Variants in MAK16 observed in about 807,000 individuals in gnomAD.
MAK16 encodes protein MAK16 homolog.
A neutral mutation model predicts 49.9 loss-of-function variants in MAK16; 12 were observed. The ratio of observed to expected loss-of-function variants is 0.24; its 90% confidence interval spans 0.15 to 0.39. MAK16 has a LOEUF of 0.39. Among genes scored for constraint, MAK16 ranks in the 10% least tolerant of loss-of-function variants. The pLI is 1.00. For missense variants in MAK16, 292 were observed against 363.7 expected (o/e 0.80, Z 1.60); for synonymous variants, 115 against 126.4 (o/e 0.91, Z 0.60).
intron 8 of MAK16, among the ~76,000 whole-genome samples, chr8:33,496,972 A>C (rs1265340293): frequency 6.6e-6 from 1 of 152,192 alleles, no homozygotes; most frequent in Non-Finnish European, 1.5e-5. Flanking sequence ...AAGGTGACAA[A>C]TTATAAAGCC....
intron 1 of MAK16, among the ~76,000 whole-genome samples, chr8:33,486,114 T>C (rs1425202853): frequency 1.3e-5 from 2 of 152,208 alleles, no homozygotes; most frequent in African/African-American, 4.8e-5. Flanking sequence ...AAATTAGATA[T>C]GCTTGCCAGG....
chr8:33,500,137 G>A lies in MAK16; in HGVS notation c.*1508G>A, dbSNP rs1359221714. 1 of 615,076 alleles carries A rather than the reference G, an allele frequency of 1.6e-6. No individual in the cohort carries two copies. The highest frequency in any genetic ancestry group is 2.8e-6 in the Non-Finnish European group (1 of 359,726). 38.1% of individuals were successfully genotyped at this position (615,076 alleles called of 1,614,324 possible). A position where few individuals can be genotyped will look rare whatever the true frequency, so the allele number is the denominator to read the frequency against. ...CCTGCCTTTAGTTCTAAATGGTTCTGAATAGCTTTAAAAGATGAATAAGAA... is the reference window on the plus strand; with the variant it reads ...CCTGCCTTTAGTTCTAAATGGTTCTAAATAGCTTTAAAAGATGAATAAGAA... On this transcript the variant is annotated 3_prime_UTR_variant, in exon 10 of 10. Transcript: ENST00000360128.
chr8:33,488,766 C>T lies in MAK16; in HGVS notation c.208C>T (p.Arg70Ter), dbSNP rs1235156510. 6 of 1,614,162 alleles carry T rather than the reference C, an allele frequency of 3.7e-6. No homozygotes were observed. Among genetic ancestry groups the T allele is most frequent in the African/African-American group, 1.3e-5 (1 of 75,032 alleles). ...QCYLYMKVIERAAFPRRLWER... is the reference protein window; with the variant it reads ...QCYLYMKVIE ...CTACTTGTATATGAAGGTTATAGAA[C>T]GAGCGGCTTTTCCTCGGCGTCTCTG... The change falls in exon 4 of 10, where the codon CGA becomes TGA. Residue 70 changes from arginine to a stop codon, truncating the protein, a stop_gained. Transcript: ENST00000360128. LOFTEE classifies it high-confidence loss of function.
chr8:33,499,273 AGACCCT>A lies in MAK16; in HGVS notation c.*647_*652del. The A allele has an allele frequency of 6.2e-7, 1 of 1,612,316 alleles. No individual in the cohort carries two copies. Among genetic ancestry groups the A allele is most frequent in the Non-Finnish European group, 8.5e-7 (1 of 1,178,756 alleles). On this transcript the variant is annotated 3_prime_UTR_variant, in exon 10 of 10. Transcript: ENST00000360128. ...ACAGCTTTGGGGAATTTTGGCCAGG[AGACCCT>A]GAAACATGAAACCAAACAGGCTTTG...
In MAK16 at chr8:33,500,372, CTG is replaced by C; in HGVS notation, c.*1746_*1747del. The C allele has an allele frequency of 5.6e-6, 9 of 1,614,202 alleles. No homozygotes were observed. The highest frequency in any genetic ancestry group is 7.6e-6 in the Non-Finnish European group (9 of 1,180,034). On this transcript the variant is annotated 3_prime_UTR_variant, in exon 10 of 10. Transcript: ENST00000360128. ...CAGCGGTCCAGGAGAATCAGGCAGTCTGTGGCCTCCTGTAGCAGGGCGCTCTT... is the reference window on the plus strand; with the variant it reads ...CAGCGGTCCAGGAGAATCAGGCAGTCTGGCCTCCTGTAGCAGGGCGCTCTT...
chr8:33,485,312 C>A lies in MAK16; in HGVS notation c.15+91C>A, dbSNP rs367903961. The A allele has an allele frequency of 2.6e-6, 4 of 1,543,210 alleles. No homozygotes were observed. The African/African-American group carries it at 4.1e-5, about 16-fold the overall frequency. The stretch of plus-strand genomic sequence containing the variant: ...CTTAGAAAACGCGTACGCAGCGGGT[C>A]TGTTGCCTCGTGCCGCTCTGGATGT... On this transcript the variant is annotated intron_variant, in intron 1 of 9. Coordinates refer to ENST00000360128, the MANE Select transcript of MAK16 (RefSeq NM_032509.4).
chr8:33,490,820 G>A (rs1407285827), intron 6 of MAK16, among the ~76,000 whole-genome samples: 1 of 152,132 alleles, frequency 6.6e-6, no homozygotes, highest in Non-Finnish European at 1.5e-5. Flanking sequence ...ATTTTAAAAT[G>A]TACAATTAAA....
At chr8:33,490,851 G>A (rs1162479435) in intron 6 of MAK16, among the ~76,000 whole-genome samples, 1 of 152,306 alleles carries the variant, frequency 6.6e-6, no homozygotes, top group East Asian at 1.9e-4. Context: ...TAGTCACGCT[G>A]TTGTGCTGCT....
At chr8:33,491,480 T>C (rs762679816) in intron 6 of MAK16, among the ~76,000 whole-genome samples, 5 of 152,238 alleles carry the variant, frequency 3.3e-5, no homozygotes, top group Non-Finnish European at 7.3e-5. Flanking sequence ...CCATTTTAAC[T>C]GGGGTGAGAT....
At position 33,492,374 on chromosome 8, in the gene MAK16, A is replaced by G. The variant is rs961890653; in HGVS notation, c.447+2035A>G. Reference sequence around the variant, plus strand: ...TGCCCAGTCAGTGGATTGTCTCTTCACTTTGTTGTTTCCTTTGCTGTGCAG... The same window carrying G: ...TGCCCAGTCAGTGGATTGTCTCTTCGCTTTGTTGTTTCCTTTGCTGTGCAG... On this transcript the variant is annotated intron_variant, in intron 6 of 9. Transcript: ENST00000360128. Among the ~76,000 whole-genome samples the G allele has an allele frequency of 2.0e-5, 3 of 152,030 alleles. No homozygotes were observed. In the East Asian group the frequency reaches 5.8e-4, roughly 29 times the overall value.
rs1033680467 is a variant in MAK16, at chr8:33,499,429, G to GT, written c.*806dup. 20 of 623,020 alleles carry GT rather than the reference G, an allele frequency of 3.2e-5. No individual in the cohort carries two copies. Among genetic ancestry groups the GT allele is most frequent in the African/African-American group, 5.6e-5 (3 of 53,558 alleles). The allele number at this position is 623,020 out of a possible 1,614,324, so 38.6% of individuals were successfully genotyped here. A position where few individuals can be genotyped will look rare whatever the true frequency, so the allele number is the denominator to read the frequency against. On this transcript the variant is annotated 3_prime_UTR_variant, in exon 10 of 10. Coordinates refer to ENST00000360128, the MANE Select transcript of MAK16 (RefSeq NM_032509.4). ...CACTAAGCAGAATAGGTATTAGTTG[G>GT]TTTTTTATTATTTTTAAATTTATAT...
At position 33,499,136 on chromosome 8, in the gene MAK16, A is replaced by G. The variant is rs1355252685; in HGVS notation, c.*507A>G. 1 of 1,523,086 alleles carries G rather than the reference A, an allele frequency of 6.6e-7. No homozygotes were observed. Among genetic ancestry groups the G allele is most frequent in the Admixed American group, 1.7e-5 (1 of 59,786 alleles). The allele number at this position is 1,523,086 out of a possible 1,614,324, so 94.3% of individuals were successfully genotyped here. ...CTCCATTCATACAAATTGGGATGGGAAGAAAATCCTTTCCTCTTGGGAAAG... is the reference window on the plus strand; with the variant it reads ...CTCCATTCATACAAATTGGGATGGGGAGAAAATCCTTTCCTCTTGGGAAAG... On this transcript the variant is annotated 3_prime_UTR_variant, in exon 10 of 10. Transcript: ENST00000360128.
Position 33,490,969 on chromosome 8 carries a change from C to T in MAK16, c.447+630C>T, listed in dbSNP as rs182846878. On this transcript the variant is annotated intron_variant, in intron 6 of 9. Transcript: ENST00000360128. ...CCAGCCTCTGGTAACCATCCTTCTA[C>T]TCTGTATATCCATGAGTTCAATTGT... Among the ~76,000 whole-genome samples, 253 of 152,258 alleles carry T rather than the reference C, an allele frequency of 1.7e-3. 2 individuals are homozygous for T. Among genetic ancestry groups the T allele is most frequent in the African/African-American group, 5.6e-3 (233 of 41,560 alleles).
chr8:33,495,284 A>G (rs1808839704), intron 6 of MAK16, among the ~76,000 whole-genome samples: 1 of 152,230 alleles, frequency 6.6e-6, no homozygotes, highest in Non-Finnish European at 1.5e-5. Flanking sequence ...CTTTGTATCT[A>G]TCAAAGCCTG....
At chr8:33,498,201 G>A (rs957859621) in intron 9 of MAK16, among the ~76,000 whole-genome samples, 10 of 143,234 alleles carry the variant, frequency 7.0e-5, no homozygotes, top group African/African-American at 2.3e-4. Flanking sequence ...GACTACAGCA[G>A]TTTGAGGCTG....
intron 6 of MAK16, among the ~76,000 whole-genome samples, chr8:33,493,717 G>A (rs1356346583): frequency 1.3e-5 from 2 of 152,118 alleles, no homozygotes; most frequent in Non-Finnish European, 2.9e-5. Flanking sequence ...AAACCTTTCA[G>A]AAGAAATTAA....
In MAK16 at chr8:33,499,308, T is replaced by A. The variant is rs1183929289; in HGVS notation, c.*679T>A. 3 of 432,740 alleles carry A rather than the reference T, an allele frequency of 6.9e-6. No homozygotes were observed. Among genetic ancestry groups the A allele is most frequent in the African/African-American group, 2.1e-5 (1 of 48,444 alleles). The allele number at this position is 432,740 out of a possible 1,614,324, so 26.8% of individuals were successfully genotyped here. A position where few individuals can be genotyped will look rare whatever the true frequency, so the allele number is the denominator to read the frequency against. On this transcript the variant is annotated 3_prime_UTR_variant, in exon 10 of 10. Coordinates refer to ENST00000360128, the MANE Select transcript of MAK16 (RefSeq NM_032509.4). ...ACATGAAACCAAACAGGCTTTGATA[T>A]TTTTTTTTTTTTAATTACTTTCCCC...
intron 1 of MAK16, 139 bp downstream of exon 1, chr8:33,485,360 TC>T: frequency 3.5e-6 from 4 of 1,158,306 alleles, no homozygotes; most frequent in Non-Finnish European, 5.1e-6. Flanking sequence ...ACCCCGATTT[TC>T]CAACATAGGT....
chr8:33,486,723 T>C (rs1294960189), intron 1 of MAK16, among the ~76,000 whole-genome samples: 1 of 152,244 alleles, frequency 6.6e-6, no homozygotes, highest in Non-Finnish European at 1.5e-5. Flanking sequence ...ATTTGGGATA[T>C]AAATACATAG....
Sources: allele counts gnomAD v4.1 joint callset (sites outside exome capture counted in the v4.1 genomes callset), GRCh38; gene constraint gnomAD v4.1.1; transcripts MANE v1.5; gene names NCBI Gene and HGNC (gene_info 2026-07-23, HGNC 2026-07-21).